Variants in AR observed in about 807,000 individuals in gnomAD.
The protein encoded by AR is dihydrotestosterone receptor.
AR carries 8 observed loss-of-function variants against 53.9 expected under a neutral mutation model. The ratio of observed to expected loss-of-function variants is 0.15; its 90% CI spans 0.09 to 0.27. The LOEUF is 0.27. AR is among the 10% of genes least tolerant of loss of function. AR has a pLI of 1.00. For synonymous variants in AR, 359 were observed against 316.4 expected (o/e 1.13, Z -1.43); for missense variants, 639 against 742.5 (o/e 0.86, Z 1.62).
At chrX:67,669,461 G>A (rs1458498433) in intron 2 of AR, among the ~76,000 whole-genome samples, 1 of 111,376 alleles carries the variant, frequency 9.0e-6, no homozygotes, top group Non-Finnish European at 1.9e-5. Flanking sequence ...TGTGACCTAA[G>A]ATATGATCTG....
chrX:67,549,426 G>A (rs1836906605), intron 1 of AR, among the ~76,000 whole-genome samples: 1 of 111,864 alleles, frequency 8.9e-6, no homozygotes, highest in African/African-American at 3.3e-5. Context: ...CAGTGTTTCT[G>A]CTGAGAGGAG....
intron 1 of AR, among the ~76,000 whole-genome samples, chrX:67,622,416 A>G (rs974124261): frequency 9.0e-6 from 1 of 111,656 alleles, no homozygotes; most frequent in African/African-American, 3.3e-5. Context: ...CCCATTTATG[A>G]GAGTGATTCC....
intron 1 of AR, among the ~76,000 whole-genome samples, chrX:67,625,297 C>A (rs749831275): frequency 9.0e-6 from 1 of 111,360 alleles, no homozygotes; most frequent in East Asian, 2.8e-4. Context: ...ATCCCTTGTT[C>A]ATGTACTAGA....
Position 67,545,877 on chromosome X carries a change from C to T in AR, c.731C>T (p.Ser244Leu), listed in dbSNP as rs2147318107. Residue 244 changes from serine (S) to leucine (L), a missense_variant, in exon 1 of 8, where the codon TCG (serine) becomes TTG (leucine). Transcript: ENST00000374690. ...GCCAAGGAGTTGTGTAAGGCAGTGT[C>T]GGTGTCCATGGGCCTGGGTGTGGAG... ...DNAKELCKAVSVSMGLGVEAL... is the reference protein window; with the variant it reads ...DNAKELCKAVLVSMGLGVEAL... 2 of 1,212,059 alleles carry T rather than the reference C, an allele frequency of 1.7e-6. No individual in the cohort carries two copies. The highest frequency in any genetic ancestry group is 1.7e-5 in the African/African-American group (1 of 57,885).
At chrX:67,559,234 C>CT (rs951696470) in intron 1 of AR, among the ~76,000 whole-genome samples, 1 of 111,796 alleles carries the variant, frequency 8.9e-6, no homozygotes, top group African/African-American at 3.3e-5. Flanking sequence ...TCTTTCCACT[C>CT]TATCACTTGG....
intron 1 of AR, among the ~76,000 whole-genome samples, chrX:67,578,265 A>G (rs1922143581): frequency 9.0e-6 from 1 of 111,473 alleles, no homozygotes; most frequent in Admixed American, 9.5e-5. Flanking sequence ...TCAGATTGGC[A>G]TATCCATCTT....
At chrX:67,602,295 T>A (rs917424947) in intron 1 of AR, among the ~76,000 whole-genome samples, 1 of 112,002 alleles carries the variant, frequency 8.9e-6, no homozygotes, top group African/African-American at 3.2e-5. Flanking sequence ...GTTAAAATCC[T>A]AGCTGCACTA....
chrX:67,640,984 C>A (rs1925733010), intron 1 of AR, among the ~76,000 whole-genome samples: 1 of 110,835 alleles, frequency 9.0e-6, no homozygotes, highest in Admixed American at 9.7e-5. Context: ...ATAGTAGTTT[C>A]TTAGGGCCAA....
chrX:67,698,829 C>T (rs1331228961), intron 3 of AR, among the ~76,000 whole-genome samples: 1 of 111,558 alleles, frequency 9.0e-6, no homozygotes, highest in Non-Finnish European at 1.9e-5. Flanking sequence ...AGGGCCCCTG[C>T]AAGCCATTCA....
At position 67,728,710 on chromosome X, in the gene AR, C is replaced by G. The variant is rs188297495; in HGVS notation, c.*4869C>G. The G allele has an allele frequency of 7.4e-6, 1 of 135,294 alleles. No individual in the cohort carries two copies. Among genetic ancestry groups the G allele is most frequent in the Non-Finnish European group, 1.4e-5 (1 of 70,226 alleles). The allele number at this position is 135,294 out of a possible 1,213,427, so 11.1% of individuals were successfully genotyped here. On this transcript the variant is annotated 3_prime_UTR_variant, in exon 8 of 8. Coordinates refer to ENST00000374690, the MANE Select transcript of AR (RefSeq NM_000044.6). ...TGCCATGTACTTGTGAGAGAGGATG[C>G]AGTTTTGTTTTGGAAGCTCTCTCAG...
intron 3 of AR, among the ~76,000 whole-genome samples, chrX:67,708,457 C>T (rs751499369): frequency 1.1e-4 from 12 of 111,837 alleles, no homozygotes; most frequent in Middle Eastern, 4.6e-3. Context: ...CTTGTGCATT[C>T]GTCATATAGT....
chrX:67,546,313 G>A lies in AR; in HGVS notation c.1167G>A (p.Leu389=). ...CCCATCCCCACGCTCGCATCAAGCT[G>A]GAGAACCCGCTGGACTACGGCAGCG... ...PPPHPHARIK[L]ENPLDYGSAW... is the part of the protein sequence containing the mutation. The change falls in exon 1 of 8, where the codon CTG becomes CTA. Residue 389 remains leucine, a synonymous_variant. Transcript: ENST00000374690. 8.3e-7 allele frequency: 1 copy of A among 1,200,156 alleles called. No individual in the cohort carries two copies. Among genetic ancestry groups the A allele is most frequent in the South Asian group, 1.8e-5 (1 of 55,508 alleles).
rs1052133483 is a variant in AR, at chrX:67,545,047, G to A, written c.-100G>A. 9.3e-7 allele frequency: 1 copy of A among 1,077,995 alleles called. No individual in the cohort carries two copies. Among genetic ancestry groups the A allele is most frequent in the African/African-American group, 1.9e-5 (1 of 52,753 alleles). The allele number at this position is 1,077,995 out of a possible 1,213,427, so 88.8% of individuals were successfully genotyped here. ...GCTTCCCGCAGGTGGGCAGCTAGCT[G>A]CAGCGACTACCGCATCATCACAGCC... On this transcript the variant is annotated 5_prime_UTR_variant, in exon 1 of 8. Transcript: ENST00000374690.
chrX:67,650,936 A>G (rs146928909), intron 2 of AR, among the ~76,000 whole-genome samples: 2 of 112,086 alleles, frequency 1.8e-5, no homozygotes, highest in African/African-American at 6.5e-5. Flanking sequence ...GCATTCAGTC[A>G]GTAAATATTT....
intron 1 of AR, among the ~76,000 whole-genome samples, chrX:67,613,406 G>A (rs1199895509): frequency 8.9e-6 from 1 of 111,776 alleles, no homozygotes; most frequent in Non-Finnish European, 1.9e-5. Context: ...TAAGGGCACT[G>A]TCAAAAATAA....
intron 3 of AR, among the ~76,000 whole-genome samples, chrX:67,694,404 T>G (rs2076010031): frequency 9.2e-6 from 1 of 108,938 alleles, no homozygotes; most frequent in Admixed American, 1.0e-4. Flanking sequence ...CACACATATA[T>G]ATGTATATAT....
intron 3 of AR, among the ~76,000 whole-genome samples, chrX:67,691,286 G>T (rs951289452): frequency 1.8e-5 from 2 of 112,078 alleles, no homozygotes; most frequent in South Asian, 7.4e-4. Flanking sequence ...TTGTATAAGA[G>T]GCCTACCCTC....
intron 3 of AR, among the ~76,000 whole-genome samples, chrX:67,701,458 C>T (rs1045440580): frequency 8.9e-6 from 1 of 111,778 alleles, no homozygotes; most frequent in Non-Finnish European, 1.9e-5. Flanking sequence ...TCAGCCTCCC[C>T]ATCTTTGACT....
At chrX:67,618,461 G>A (rs936913070) in intron 1 of AR, among the ~76,000 whole-genome samples, 1 of 111,131 alleles carries the variant, frequency 9.0e-6, no homozygotes, top group Admixed American at 9.7e-5. Context: ...TTAAGAATGA[G>A]AGGAGAAGGA....
Sources: gnomAD v4.1 joint callset for allele counts (sites outside exome capture counted in the v4.1 genomes callset) on GRCh38, gnomAD v4.1.1 for gene constraint, MANE v1.5 for transcripts, NCBI Gene and HGNC (gene_info 2026-07-23, HGNC 2026-07-21) for gene names.